The following RBFOX1 variants were observed in gnomAD, a reference collection of about 807,000 sequenced individuals.
The protein encoded by RBFOX1 is RNA binding protein fox-1 homolog 1.
RBFOX1 carries 8 observed loss-of-function variants against 57.7 expected under a neutral mutation model. That is an observed-to-expected ratio of 0.14 (90% CI 0.08 to 0.25). RBFOX1 has a LOEUF of 0.25. Among genes scored for constraint, RBFOX1 ranks in the 10% least tolerant of loss-of-function variants. RBFOX1 has a pLI of 1.00. For synonymous variants in RBFOX1, 326 were observed against 222.4 expected, an observed-to-expected ratio of 1.47 and a Z score of -4.15; for missense variants, 611 against 548.5, an observed-to-expected ratio of 1.11 and a Z score of -1.14.
chr16:5,767,118 C>A (rs917165081), intron 3 of RBFOX1, among the ~76,000 whole-genome samples: 2 of 152,234 alleles, frequency 1.3e-5, no homozygotes, highest in African/African-American at 4.8e-5. Flanking sequence ...AAAGTGTTCC[C>A]TCCAGAGCCC....
chr16:5,523,918 C>T (rs751470222), intron 2 of RBFOX1, among the ~76,000 whole-genome samples: 4 of 152,152 alleles, frequency 2.6e-5, no homozygotes, highest in Non-Finnish European at 5.9e-5. Flanking sequence ...AGGGACGGAC[C>T]AGAAGGTTAA....
intron 1 of RBFOX1, among the ~76,000 whole-genome samples, chr16:5,324,034 T>G (rs2007657): frequency 3.9e-5 from 6 of 152,276 alleles, no homozygotes; most frequent in Non-Finnish European, 2.9e-5. Context: ...GGGCATCACA[T>G]GAGTCTCTTT....
chr16:7,347,372 C>T (rs890883156), intron 4 of RBFOX1, among the ~76,000 whole-genome samples: 1 of 152,048 alleles, frequency 6.6e-6, no homozygotes, highest in Non-Finnish European at 1.5e-5. Context: ...AAAGAGAGCT[C>T]GTGCAGGGAA....
chr16:5,372,920 T>C (rs2065896571), intron 1 of RBFOX1, among the ~76,000 whole-genome samples: 1 of 152,244 alleles, frequency 6.6e-6, no homozygotes, highest in Non-Finnish European at 1.5e-5. Context: ...CTCTTGGTCT[T>C]CTGAAGACGG....
chr16:5,931,785 T>C (rs1338742998), intron 4 of RBFOX1, among the ~76,000 whole-genome samples: 1 of 152,156 alleles, frequency 6.6e-6, no homozygotes, highest in Non-Finnish European at 1.5e-5. Context: ...TGTTTGGAAC[T>C]TGAATATGAT....
chr16:5,729,823 G>T (rs2052296047), intron 3 of RBFOX1, among the ~76,000 whole-genome samples: 3 of 152,196 alleles, frequency 2.0e-5, no homozygotes, highest in African/African-American at 7.2e-5. Flanking sequence ...GACTTTCATT[G>T]CCTTTGAAAA....
intron 3 of RBFOX1, among the ~76,000 whole-genome samples, chr16:5,633,576 C>G (rs1276655558): frequency 1.3e-5 from 2 of 151,960 alleles, no homozygotes; most frequent in African/African-American, 4.8e-5. Flanking sequence ...ATAATCCCAT[C>G]AAAAAGTGGG....
chr16:5,393,396 G>A (rs1477374632), intron 1 of RBFOX1, among the ~76,000 whole-genome samples: 2 of 152,214 alleles, frequency 1.3e-5, no homozygotes, highest in African/African-American at 2.4e-5. Context: ...CAAGAAGGTT[G>A]ATCTCCCTTC....
At chr16:6,648,576 C>T (rs984856303) in intron 2 of RBFOX1, among the ~76,000 whole-genome samples, 3 of 152,154 alleles carry the variant, frequency 2.0e-5, no homozygotes, top group African/African-American at 7.2e-5. Flanking sequence ...ACCCTTCAGC[C>T]TTCAGTCCAC....
In RBFOX1 at chr16:6,886,449, A is replaced by T. The variant is rs567038194; in HGVS notation, c.-15-165608A>T. Among the ~76,000 whole-genome samples the T allele has an allele frequency of 5.3e-5, 8 of 152,006 alleles. No homozygotes were observed. The South Asian group carries it at 1.0e-3, about 20-fold the overall frequency. On this transcript the variant is annotated intron_variant, in intron 3 of 15. Transcript: ENST00000550418. ...CGCTATTGATTGCAAAGGCATTCCA[A>T]TTTCCAAGATATGAAAATGTAGGCC...
chr16:5,310,642 G>A (rs371006917), intron 1 of RBFOX1, among the ~76,000 whole-genome samples: 13 of 152,150 alleles, frequency 8.5e-5, no homozygotes, highest in African/African-American at 3.1e-4. Context: ...CCCAATTTAT[G>A]AACAACTTGA....
At chr16:7,358,571 C>A (rs1238656899) in intron 4 of RBFOX1, among the ~76,000 whole-genome samples, 2 of 152,092 alleles carry the variant, frequency 1.3e-5, no homozygotes, top group Non-Finnish European at 2.9e-5. Context: ...CAGGAGTCTG[C>A]CATCATGCTA....
intron 3 of RBFOX1, among the ~76,000 whole-genome samples, chr16:5,780,441 C>G (rs777035249): frequency 6.6e-6 from 1 of 152,006 alleles, no homozygotes; most frequent in Non-Finnish European, 1.5e-5. Context: ...TTGGCATGTA[C>G]CATATATTAC....
intron 2 of RBFOX1, among the ~76,000 whole-genome samples, chr16:5,567,436 A>G (rs1251927200): frequency 6.6e-6 from 1 of 152,168 alleles, no homozygotes; most frequent in Non-Finnish European, 1.5e-5. Flanking sequence ...GTAGATGAGT[A>G]GCCGTATAAT....
At chr16:6,683,758 A>G (rs930414201) in intron 3 of RBFOX1, among the ~76,000 whole-genome samples, 2 of 152,154 alleles carry the variant, frequency 1.3e-5, no homozygotes, top group Middle Eastern at 3.2e-3. Context: ...CCCATCAGAG[A>G]TGGAGCTTTG....
intron 4 of RBFOX1, among the ~76,000 whole-genome samples, chr16:7,127,399 C>T (rs1321721401): frequency 6.6e-6 from 1 of 152,026 alleles, no homozygotes; most frequent in African/African-American, 2.4e-5. Flanking sequence ...TTATTATCAC[C>T]CTATGCACTT....
At position 7,338,947 on chromosome 16, in the gene RBFOX1, T is replaced by C. The variant is rs112361649; in HGVS notation, c.28-179200T>C. Reference sequence around the variant, plus strand: ...AAGACATCAGCATGCACACCTGATATAAATGCTGGTGGCGTCATTTACTCT... The same window carrying C: ...AAGACATCAGCATGCACACCTGATACAAATGCTGGTGGCGTCATTTACTCT... On this transcript the variant is annotated intron_variant, in intron 4 of 15. Coordinates refer to ENST00000550418, the MANE Select transcript of RBFOX1 (RefSeq NM_018723.4). Among the ~76,000 whole-genome samples, 583 of 152,310 alleles carry C rather than the reference T, an allele frequency of 3.8e-3. 6 individuals carry two copies. The highest frequency in any genetic ancestry group is 0.013 in the African/African-American group (555 of 41,574).
chr16:6,307,402 A>G (rs905909571), intron 1 of RBFOX1, among the ~76,000 whole-genome samples: 2 of 151,984 alleles, frequency 1.3e-5, no homozygotes, highest in African/African-American at 4.8e-5. Context: ...AAACATCATC[A>G]TTATAGCTAT....
chr16:6,647,534 C>T (rs776456589), intron 2 of RBFOX1, among the ~76,000 whole-genome samples: 1 of 152,160 alleles, frequency 6.6e-6, no homozygotes, highest in Admixed American at 6.5e-5. Flanking sequence ...AGGCGTGAGC[C>T]ACCACACCCA....
Sources: gnomAD v4.1 joint callset for allele counts (sites outside exome capture counted in the v4.1 genomes callset) on GRCh38, gnomAD v4.1.1 for gene constraint, MANE v1.5 for transcripts, NCBI Gene and HGNC (gene_info 2026-07-23, HGNC 2026-07-21) for gene names.